The following LFNG variants were observed in gnomAD, a reference collection of about 807,000 sequenced individuals.
LFNG encodes LFNG O-fucosylpeptide 3-beta-N-acetylglucosaminyltransferase, also known as beta-1,3-N-acetylglucosaminyltransferase lunatic fringe.
Under a neutral mutation model 32.7 loss-of-function variants are expected in LFNG, and 15 were observed. The observed-to-expected ratio is 0.46, with a 90% CI of 0.31 to 0.71. The LOEUF is 0.71. Ranked by LOEUF, LFNG falls within the 30% of genes least tolerant of loss-of-function variation. The probability of loss-of-function intolerance (pLI) is 0.06; values close to 1 mark genes in which losing one functional copy is unlikely to be tolerated. For synonymous variants in LFNG, 274 were observed against 246.8 expected (o/e 1.11, Z -1.03); for missense variants, 520 against 545.7 (o/e 0.95, Z 0.47).
At chr7:2,523,196 C>A (rs1227207889) in intron 1 of LFNG, among the ~76,000 whole-genome samples, 1 of 152,246 alleles carries the variant, frequency 6.6e-6, no homozygotes, top group Non-Finnish European at 1.5e-5. Flanking sequence ...GGGGCTGGCC[C>A]TCCGCCTCCC....
intron 1 of LFNG, among the ~76,000 whole-genome samples, chr7:2,524,059 C>A (rs981389232): frequency 6.6e-6 from 1 of 152,154 alleles, no homozygotes; most frequent in Non-Finnish European, 1.5e-5. Flanking sequence ...CTGCTTAACT[C>A]GGCCGAGTTA....
In LFNG at chr7:2,527,336, G is replaced by GCATGTC. The variant is rs1010545178; in HGVS notation, c.*125_*126insATGTCC. On this transcript the variant is annotated 3_prime_UTR_variant, in exon 8 of 8. Coordinates refer to ENST00000222725, the MANE Select transcript of LFNG (RefSeq NM_001040167.2). This position sits in a 1 kb window ranked among gnomAD's most constrained non-coding sequence, Gnocchi z 4.4. ...GGGCCGTGCCTGTGCGTGTGCGTGT[G>GCATGTC]CGTGTGTGTGTGTGTGTACTGCATG... 50 of 1,528,308 alleles carry GCATGTC rather than the reference G, an allele frequency of 3.3e-5. No individual in the cohort carries two copies. Among genetic ancestry groups the GCATGTC allele is most frequent in the Non-Finnish European group, 4.0e-5 (46 of 1,143,546 alleles). 94.7% of individuals were successfully genotyped at this position (1,528,308 alleles called of 1,614,324 possible).
chr7:2,514,712 A>C (rs1779570848), upstream of LFNG, among the ~76,000 whole-genome samples: 2 of 151,072 alleles, frequency 1.3e-5, no homozygotes, highest in African/African-American at 4.9e-5. Context: ...CCATCTATCC[A>C]TCTGTCCATT....
In LFNG at chr7:2,525,338, A is replaced by G. The variant is rs775693633; in HGVS notation, c.581+20A>G. On this transcript the variant is annotated intron_variant, in intron 3 of 7. Transcript: ENST00000222725. ...CAGGAAGTGAGTGTGGCCCCGGGGGACCCCCATCTCCCTGCCCGAGCCTGG... is the reference window on the plus strand; with the variant it reads ...CAGGAAGTGAGTGTGGCCCCGGGGGGCCCCCATCTCCCTGCCCGAGCCTGG... 1.2e-6 allele frequency: 2 copies of G among 1,611,374 alleles called. No homozygotes were observed. Among genetic ancestry groups the G allele is most frequent in the Admixed American group, 1.7e-5 (1 of 59,886 alleles).
At chr7:2,518,579 C>G (rs751402441), upstream of LFNG, 13 of 1,593,860 alleles carry the variant, frequency 8.2e-6, no homozygotes, top group Non-Finnish European at 1.0e-5. Flanking sequence ...TGCTGTCTTG[C>G]GGCTGACATT....
chr7:2,523,623 G>A (rs1408525347), intron 1 of LFNG: 1 of 152,200 alleles, frequency 6.6e-6, no homozygotes, highest in Non-Finnish European at 1.5e-5. Context: ...AGGCCCAGGC[G>A]GGCGCCGGCG....
chr7:2,525,541 A>G lies in LFNG; in HGVS notation c.709A>G (p.Met237Val). 6.2e-7 allele frequency: 1 copy of G among 1,612,524 alleles called. No individual in the cohort carries two copies. The highest frequency in any genetic ancestry group is 1.1e-5 in the South Asian group (1 of 91,058). ...CAGCCTGGACAGGCCCATCCAGGCC[A>G]TGGAGCGGGTCAGCGAGAACAAGGT... ...KPSLDRPIQA[M>V]ERVSENKVRP... The change falls in exon 4 of 8, where the codon ATG (methionine) becomes GTG (valine). Residue 237 changes from methionine to valine, a missense_variant. Transcript: ENST00000222725.
At chr7:2,523,756 T>TG (rs1779860470) in intron 1 of LFNG, 1 of 152,142 alleles carries the variant, frequency 6.6e-6, no homozygotes, top group South Asian at 2.1e-4. Context: ...GCCTGAGCAG[T>TG]GGGAGGGGTG....
upstream of LFNG, chr7:2,517,728 C>T (rs898023251): frequency 2.0e-6 from 1 of 512,500 alleles, no homozygotes; most frequent in Non-Finnish European, 3.6e-6. Flanking sequence ...ACAACCCGTG[C>T]ACATATTTGG....
At position 2,512,664 on chromosome 7, in the gene LFNG, C is replaced by T; in HGVS notation, c.10C>T (p.Gln4Ter). 6.2e-7 allele frequency: 1 copy of T among 1,613,810 alleles called. No individual in the cohort carries two copies. Among genetic ancestry groups the T allele is most frequent in the African/African-American group, 1.3e-5 (1 of 75,006 alleles). ...CCCAAAGCTCAGAGGGATGGATGAA[C>T]AGACAGGAAGGCTCAGGCTGGACAC... Residue 4 changes from glutamine to a stop codon, truncating the protein, a stop_gained, in exon 1 of 9, where the codon CAG (glutamine) becomes TAG (stop). Transcript: ENST00000402506. LOFTEE classifies it high-confidence loss of function.
rs575336129 is a variant in LFNG, at chr7:2,512,573, G to C, written c.-82G>C. 9.4e-5 allele frequency: 116 copies of C among 1,227,910 alleles called. No homozygotes were observed. The African/African-American group carries it at 1.3e-3, about 13-fold the overall frequency. 76.1% of individuals were successfully genotyped at this position (1,227,910 alleles called of 1,614,324 possible). On this transcript the variant is annotated 5_prime_UTR_variant, in exon 1 of 9. Coordinates refer to the LFNG transcript ENST00000402506. Reference sequence around the variant, plus strand: ...GCAGAGCCTCCCAAGGAAGGGAGGAGGGAGGACAGAGGCCAAGGCGGCTCC... The same window carrying C: ...GCAGAGCCTCCCAAGGAAGGGAGGACGGAGGACAGAGGCCAAGGCGGCTCC...
rs775393521 is a variant in LFNG at position 2,525,199 on chromosome 7, A to C, written c.482-20A>C. 1.2e-6 allele frequency: 2 copies of C among 1,609,048 alleles called. No homozygotes were observed. The highest frequency in any genetic ancestry group is 1.7e-6 in the Non-Finnish European group (2 of 1,177,100). ...TGGGAGCCGGCTCAGACCTACTCAC[A>C]GCCGCTCCCCTGTCCACAGGCAACG... On this transcript the variant is annotated intron_variant, in intron 2 of 7. Transcript: ENST00000222725.
intron 1 of LFNG, chr7:2,512,818 C>T: frequency 3.3e-6 from 3 of 908,342 alleles, no homozygotes; most frequent in Non-Finnish European, 5.4e-6. Flanking sequence ...CCTAGATCCT[C>T]AGGCTTCTCT....
chr7:2,525,590 C>T (rs1218582706), intron 4 of LFNG, 23 bp downstream of exon 4: 8 of 1,611,870 alleles, frequency 5.0e-6, no homozygotes, highest in African/African-American at 1.3e-5. Flanking sequence ...CCCTCCCAGT[C>T]CCCCACGCCC....
In LFNG at chr7:2,527,067, C is replaced by T. The variant is rs749242693; in HGVS notation, c.1074-79C>T. 16 of 1,494,334 alleles carry T rather than the reference C, an allele frequency of 1.1e-5. No homozygotes were observed. The South Asian group carries it at 1.7e-4, about 16-fold the overall frequency. 92.6% of individuals were successfully genotyped at this position (1,494,334 alleles called of 1,614,324 possible). On this transcript the variant is annotated intron_variant, in intron 7 of 7. Transcript: ENST00000222725. The surrounding 1 kb of genome is among the most constrained non-coding windows in gnomAD (Gnocchi z 4.4). ...GTCCTGCTTGCTCGGGGTGGGGCCGCCAGTGTTGTGGGACTGCAAATGGGA... is the reference window on the plus strand; with the variant it reads ...GTCCTGCTTGCTCGGGGTGGGGCCGTCAGTGTTGTGGGACTGCAAATGGGA...
chr7:2,523,122 C>G (rs936374205), intron 1 of LFNG, among the ~76,000 whole-genome samples: 1 of 152,236 alleles, frequency 6.6e-6, no homozygotes, highest in African/African-American at 2.4e-5. Flanking sequence ...GGAGAACAGG[C>G]CTCCCTTGAT....
chr7:2,522,334 G>A (rs530691459), intron 1 of LFNG, among the ~76,000 whole-genome samples: 1 of 152,330 alleles, frequency 6.6e-6, no homozygotes, highest in South Asian at 2.1e-4. Flanking sequence ...GAAACTTCTA[G>A]CAACTGGAGT....
At position 2,526,753 on chromosome 7, in the gene LFNG, T is replaced by C; in HGVS notation, c.988-83T>C. On this transcript the variant is annotated intron_variant, in intron 6 of 7. Transcript: ENST00000222725. The surrounding 1 kb of genome is among the most constrained non-coding windows in gnomAD (Gnocchi z 6.9). ...GGGAGGCCAGGGCAGGGCCGTTGCC[T>C]CACTCAGGGCTGTGTGGCCAGCCTG... 4.5e-6 allele frequency: 6 copies of C among 1,326,394 alleles called. No homozygotes were observed. Among genetic ancestry groups the C allele is most frequent in the Non-Finnish European group, 6.5e-6 (6 of 925,008 alleles). 82.2% of individuals were successfully genotyped at this position (1,326,394 alleles called of 1,614,324 possible). A position where few individuals can be genotyped will look rare whatever the true frequency, so the allele number is the denominator to read the frequency against.
intron 1 of LFNG, among the ~76,000 whole-genome samples, chr7:2,524,233 C>A (rs1165002480): frequency 6.6e-6 from 1 of 152,170 alleles, no homozygotes. Context: ...TTCCCACAGC[C>A]GACCTCCTCC....
Sources: allele counts gnomAD v4.1 joint callset (sites outside exome capture counted in the v4.1 genomes callset), GRCh38; gene constraint gnomAD v4.1.1; non-coding constraint Gnocchi (gnomAD v3.1); transcripts MANE v1.5; gene names NCBI Gene and HGNC (gene_info 2026-07-23, HGNC 2026-07-21).